The following HYAL4 variants were observed in gnomAD, a reference collection of about 807,000 sequenced individuals.
The protein encoded by HYAL4 is hyaluronidase 4.
Under a neutral mutation model 35.2 loss-of-function variants are expected in HYAL4, and 37 were observed. The ratio of observed to expected loss-of-function variants is 1.05; its 90% CI spans 0.81 to 1.38. HYAL4 has a LOEUF of 1.38. Among genes scored for constraint, HYAL4 ranks in the 40% most tolerant of loss-of-function variants. The pLI is 0.00. For synonymous variants in HYAL4, 198 were observed against 203.2 expected (o/e 0.97, Z 0.22); for missense variants, 572 against 572.4 (o/e 1.00, Z 0.01).
At chr7:123,850,848 A>G (rs1452665396) in intron 2 of HYAL4, among the ~76,000 whole-genome samples, 1 of 152,200 alleles carries the variant, frequency 6.6e-6, no homozygotes, top group Non-Finnish European at 1.5e-5. Context: ...TCCTTAGTCT[A>G]ACCCAAAATC....
intron 2 of HYAL4, among the ~76,000 whole-genome samples, chr7:123,854,406 A>T (rs1310091939): frequency 6.6e-6 from 1 of 152,006 alleles, no homozygotes; most frequent in Non-Finnish European, 1.5e-5. Context: ...TGTCCCAGAG[A>T]TCTGGTACAT....
intron 1 of HYAL4, among the ~76,000 whole-genome samples, chr7:123,839,439 A>T (rs2116914136): frequency 6.6e-6 from 1 of 152,350 alleles, no homozygotes; most frequent in South Asian, 2.1e-4. Flanking sequence ...TAGTGCCGCA[A>T]TAAACATGTA....
chr7:123,791,995 A>G, the HYAL4 span, among the ~76,000 whole-genome samples: 1 of 152,088 alleles, frequency 6.6e-6, no homozygotes, highest in Non-Finnish European at 1.5e-5. Flanking sequence ...CAAAGCCTCT[A>G]TTTTCATCTT....
At chr7:123,826,430 C>T (rs530965039), upstream of HYAL4, among the ~76,000 whole-genome samples, 1 of 152,094 alleles carries the variant, frequency 6.6e-6, no homozygotes, top group Admixed American at 6.6e-5. Flanking sequence ...AGGTGAAAGC[C>T]AATGCCAAAA....
At chr7:123,811,622 C>T in the HYAL4 span, among the ~76,000 whole-genome samples, 2 of 152,066 alleles carry the variant, frequency 1.3e-5, no homozygotes. Context: ...TTCTCTTAGT[C>T]TGTGGCTTGT....
At chr7:123,808,417 ACGTG>A in the HYAL4 span, among the ~76,000 whole-genome samples, 1 of 111,108 alleles carries the variant, frequency 9.0e-6, no homozygotes, top group African/African-American at 3.8e-5. Flanking sequence ...ATGTATCATC[ACGTG>A]TGTGTGTGTG....
chr7:123,851,203 C>A (rs1214457932), intron 2 of HYAL4, among the ~76,000 whole-genome samples: 12 of 152,040 alleles, frequency 7.9e-5, no homozygotes, highest in African/African-American at 2.9e-4. Flanking sequence ...AAAATACATG[C>A]AAATTAATGA....
At chr7:123,837,643 A>G (rs971404746) in intron 1 of HYAL4, among the ~76,000 whole-genome samples, 5 of 151,592 alleles carry the variant, frequency 3.3e-5, no homozygotes, top group Non-Finnish European at 5.9e-5. Flanking sequence ...GTCATTTAAC[A>G]TTAGGTATAT....
chr7:123,839,207 A>G (rs531814048), intron 1 of HYAL4, among the ~76,000 whole-genome samples: 5 of 151,920 alleles, frequency 3.3e-5, no homozygotes, highest in Non-Finnish European at 2.9e-5. Flanking sequence ...TCATTGTTCA[A>G]TTCCCACCTA....
upstream of HYAL4, among the ~76,000 whole-genome samples, chr7:123,827,266 G>A (rs999564382): frequency 6.6e-6 from 1 of 152,052 alleles, no homozygotes; most frequent in South Asian, 2.1e-4. Flanking sequence ...AGTGAGGTTG[G>A]GGATAAAACA....
At chr7:123,791,542 C>G in the HYAL4 span, among the ~76,000 whole-genome samples, 5 of 152,266 alleles carry the variant, frequency 3.3e-5, no homozygotes, top group Admixed American at 2.0e-4. Context: ...TTACAAAAAC[C>G]CTGGGGCTTA....
the HYAL4 span, chr7:123,819,272 CTTA>C: frequency 6.6e-6 from 1 of 152,546 alleles, no homozygotes; most frequent in African/African-American, 2.4e-5. Context: ...GGGATTGAGT[CTTA>C]TTATTGCATT....
At chr7:123,861,950 A>G (rs1247422456) in intron 2 of HYAL4, among the ~76,000 whole-genome samples, 5 of 152,200 alleles carry the variant, frequency 3.3e-5, no homozygotes, top group African/African-American at 1.2e-4. Flanking sequence ...TGTATGAAAA[A>G]TACTTAATTG....
At chr7:123,778,821 AT>A in the HYAL4 span, among the ~76,000 whole-genome samples, 1 of 152,142 alleles carries the variant, frequency 6.6e-6, no homozygotes, top group Non-Finnish European at 1.5e-5. Flanking sequence ...TCCTTTTCAA[AT>A]TTTTACCTAA....
chr7:123,781,667 C>G, the HYAL4 span, among the ~76,000 whole-genome samples: 1 of 151,946 alleles, frequency 6.6e-6, no homozygotes, highest in African/African-American at 2.4e-5. Flanking sequence ...AAAATACACA[C>G]CAGACTTCAA....
upstream of HYAL4, among the ~76,000 whole-genome samples, chr7:123,841,320 C>T (rs749588742): frequency 6.6e-5 from 10 of 151,926 alleles, no homozygotes; most frequent in African/African-American, 2.2e-4. Context: ...ACAAGCCTTG[C>T]GTCCCAGGGA....
chr7:123,849,381 A>G (rs1004521902), intron 2 of HYAL4, among the ~76,000 whole-genome samples: 3 of 151,486 alleles, frequency 2.0e-5, no homozygotes, highest in African/African-American at 7.3e-5. Context: ...GCTCACTGCA[A>G]CTTCTGCCTC....
At chr7:123,803,878 T>C in the HYAL4 span, among the ~76,000 whole-genome samples, 1 of 152,374 alleles carries the variant, frequency 6.6e-6, no homozygotes, top group South Asian at 2.1e-4. Flanking sequence ...ATTCTGCTTA[T>C]GTTTCAAGCC....
the HYAL4 span, among the ~76,000 whole-genome samples, chr7:123,768,823 G>A: frequency 6.6e-6 from 1 of 152,178 alleles, no homozygotes; most frequent in African/African-American, 2.4e-5. Context: ...AGCTAGCTGA[G>A]GAGATTGTCC....
Sources: gnomAD v4.1 joint callset for allele counts (sites outside exome capture counted in the v4.1 genomes callset) on GRCh38, gnomAD v4.1.1 for gene constraint, MANE v1.5 for transcripts, NCBI Gene and HGNC (gene_info 2026-07-23, HGNC 2026-07-21) for gene names.